DENND2B: variants seen among roughly 807,000 people sequenced by gnomAD.
DENND2B encodes the protein DENN domain-containing protein 2B.
DENND2B carries 32 observed loss-of-function variants against 116.0 expected under a neutral mutation model. The ratio of observed to expected loss-of-function variants is 0.28; its 90% CI spans 0.21 to 0.37. DENND2B has a LOEUF of 0.37. Among genes scored for constraint, DENND2B ranks in the 10% least tolerant of loss-of-function variants. The pLI is 1.00. For missense variants in DENND2B, 1,276 were observed against 1,477.7 expected (o/e 0.86, Z 2.24); for synonymous variants, 588 against 583.9 (o/e 1.01, Z -0.10).
At chr11:8,851,080 G>C (rs1165471123) in intron 3 of DENND2B, among the ~76,000 whole-genome samples, 1 of 152,058 alleles carries the variant, frequency 6.6e-6, no homozygotes, top group Non-Finnish European at 1.5e-5. Flanking sequence ...CAGAGAGATA[G>C]GAGGAATAAA....
At chr11:8,845,624 T>G (rs2062784515) in intron 3 of DENND2B, among the ~76,000 whole-genome samples, 1 of 152,204 alleles carries the variant, frequency 6.6e-6, no homozygotes. Context: ...TCCAGATTAA[T>G]AATGACTATG....
At chr11:8,743,277 C>A (rs1317712485) in intron 2 of DENND2B, among the ~76,000 whole-genome samples, 1 of 151,906 alleles carries the variant, frequency 6.6e-6, no homozygotes, top group Non-Finnish European at 1.5e-5. Flanking sequence ...TGGCCAGGTA[C>A]GGTGGCTCAT....
At chr11:8,731,254 G>A (rs774205301) in intron 2 of DENND2B, 45 bp from the exon 3 acceptor site, 99 of 1,445,932 alleles carry the variant, frequency 6.8e-5, no homozygotes, top group Non-Finnish European at 8.6e-5. Context: ...AAATGGCAGT[G>A]AGTGGCTGAC....
chr11:8,700,032 T>C (rs749507808), intron 14 of DENND2B: 33 of 455,398 alleles, frequency 7.2e-5, no homozygotes, highest in South Asian at 3.9e-4. Context: ...CAGGAAACAA[T>C]AGCTGTATTC....
chr11:8,753,602 A>C (rs2052979149), intron 1 of DENND2B, among the ~76,000 whole-genome samples: 1 of 152,176 alleles, frequency 6.6e-6, no homozygotes, highest in African/African-American at 2.4e-5. Context: ...AGGACAGCCA[A>C]AACAATCTTG....
Position 8,730,234 on chromosome 11 carries a change from T to A in DENND2B, c.1056A>T (p.Pro352=), listed in dbSNP as rs775277071. 3 of 1,610,824 alleles carry A rather than the reference T, an allele frequency of 1.9e-6. No homozygotes were observed. The highest frequency in any genetic ancestry group is 2.5e-6 in the Non-Finnish European group (3 of 1,178,940). ...TAGTGGAACCACTGCCTTCCCTCTC[T>A]GGGGGTGGGCCCGCCTCCCCCGCAA... is the stretch of plus-strand genomic sequence containing the variant. ...AGVAGEAGPP[P]EREGSGSTKP... Residue 352 remains proline, a synonymous_variant, in exon 3 of 20, where the codon CCA becomes CCT. Transcript: ENST00000313726. The surrounding 1 kb of genome is among the most constrained non-coding windows in gnomAD (Gnocchi z 4.1).
intron 1 of DENND2B, among the ~76,000 whole-genome samples, chr11:8,771,396 G>T (rs1206707151): frequency 1.3e-5 from 2 of 152,094 alleles, no homozygotes; most frequent in African/African-American, 4.8e-5. Flanking sequence ...CTGTGAGTGT[G>T]TGTGTGTGTG....
intron 4 of DENND2B, among the ~76,000 whole-genome samples, chr11:8,828,319 C>A (rs990072672): frequency 1.3e-5 from 2 of 152,196 alleles, no homozygotes; most frequent in African/African-American, 4.8e-5. Flanking sequence ...AACAGCACAA[C>A]TCGGCCGTTA....
At chr11:8,713,489 C>A (rs1358346750) in intron 8 of DENND2B, among the ~76,000 whole-genome samples, 1 of 152,148 alleles carries the variant, frequency 6.6e-6, no homozygotes, top group African/African-American at 2.4e-5. Flanking sequence ...AAGTGATTCT[C>A]CTGCCTCAGC....
chr11:8,855,998 G>A (rs2063181004), intron 3 of DENND2B, among the ~76,000 whole-genome samples: 1 of 152,272 alleles, frequency 6.6e-6, no homozygotes, highest in Middle Eastern at 3.4e-3. Flanking sequence ...AAAACTGTCT[G>A]AGCACCCAAC....
chr11:8,884,977 G>A (rs1322448021), intron 1 of DENND2B, among the ~76,000 whole-genome samples: 2 of 152,162 alleles, frequency 1.3e-5, no homozygotes, highest in Admixed American at 6.5e-5. Context: ...ATTTTCTAAC[G>A]GCAGAACTTA....
intron 1 of DENND2B, among the ~76,000 whole-genome samples, chr11:8,759,557 C>CA (rs1380995787): frequency 6.6e-6 from 1 of 152,154 alleles, no homozygotes; most frequent in Non-Finnish European, 1.5e-5. Context: ...ACGTGGAAGT[C>CA]AAAGTTTAGG....
chr11:8,818,170 G>T (rs1196929630), intron 4 of DENND2B, among the ~76,000 whole-genome samples: 2 of 82,438 alleles, frequency 2.4e-5, no homozygotes, highest in South Asian at 3.6e-4. Flanking sequence ...GCTAAGGTGG[G>T]AGAATCAGTT....
intron 3 of DENND2B, among the ~76,000 whole-genome samples, chr11:8,842,717 C>T (rs1287782091): frequency 1.3e-5 from 2 of 152,138 alleles, no homozygotes; most frequent in Admixed American, 1.3e-4. Context: ...TCAAGTCTTT[C>T]ACTTATTTAA....
At chr11:8,823,356 AGAG>A (rs1461031100) in intron 4 of DENND2B, among the ~76,000 whole-genome samples, 5 of 152,336 alleles carry the variant, frequency 3.3e-5, no homozygotes. Context: ...TCAACCAGGA[AGAG>A]GAGCTCTGGA....
intron 14 of DENND2B, among the ~76,000 whole-genome samples, 169 bp from the exon 15 acceptor site, chr11:8,699,559 G>A (rs528419800): frequency 1.4e-4 from 22 of 152,270 alleles, no homozygotes; most frequent in South Asian, 4.1e-4. Flanking sequence ...ACTGCGTAGC[G>A]CCTCAAGGAC....
chr11:8,696,450 T>A lies in DENND2B; in HGVS notation c.3269A>T (p.Glu1090Val). ...QMFAGFIQDR[E>V]LRKCRAKGLF... The stretch of plus-strand genomic sequence containing the variant: ...ACCCTTTGCCCGACACTTTCTTAGC[T>A]CCCTGTCTTGGATGAAGCCAGCAAA... The change falls in exon 18 of 20, where the codon GAG becomes GTG. Residue 1090 changes from glutamate (E) to valine (V), a missense_variant. Physicochemically the swap from Glu to Val is moderately radical, Grantham distance 121. Around this residue, in one of 2 missense-constraint regions of DENND2B, gnomAD observed 420 missense variants for 631.1 expected, o/e 0.67. Transcript: ENST00000313726. 2 of 1,614,126 alleles carry A rather than the reference T, an allele frequency of 1.2e-6. No individual in the cohort carries two copies. The highest frequency in any genetic ancestry group is 1.7e-5 in the Admixed American group (1 of 60,012).
intron 11 of DENND2B, among the ~76,000 whole-genome samples, chr11:8,709,242 C>T (rs2043172639): frequency 6.6e-6 from 1 of 152,202 alleles, no homozygotes. Context: ...AAACTCACTC[C>T]TGTCTCTTTC....
chr11:8,854,316 C>T (rs2063120487), intron 3 of DENND2B, among the ~76,000 whole-genome samples: 1 of 152,084 alleles, frequency 6.6e-6, no homozygotes, highest in Admixed American at 6.5e-5. Flanking sequence ...ATTCTCCTGC[C>T]TCAGCCTCCC....
Sources: gnomAD v4.1 joint callset for allele counts (sites outside exome capture counted in the v4.1 genomes callset) on GRCh38, gnomAD v4.1.1 for gene constraint, gnomAD v4.1.1 regional missense constraint, Gnocchi (gnomAD v3.1) non-coding constraint, MANE v1.5 for transcripts, NCBI Gene and HGNC (gene_info 2026-07-23, HGNC 2026-07-21) for gene names.